The following FAM149A variants were observed in gnomAD, a reference collection of about 807,000 sequenced individuals.
FAM149A encodes the protein family with sequence similarity 149 member A.
FAM149A carries 71 observed loss-of-function variants against 78.2 expected under a neutral mutation model. That is an observed-to-expected ratio of 0.91 (90% confidence interval 0.75 to 1.11). FAM149A has a LOEUF of 1.11. FAM149A is among the 50% of genes least tolerant of loss of function. FAM149A has a pLI of 0.00. For synonymous variants in FAM149A, 446 were observed against 410.5 expected (o/e 1.09, Z -1.04); for missense variants, 1,036 against 971.0 (o/e 1.07, Z -0.89).
At chr4:186,110,275 T>G in intron 1 of FAM149A, 1 of 985,398 alleles carries the variant, frequency 1.0e-6, no homozygotes, top group Middle Eastern at 5.2e-4. Context: ...TTGTCTTAGG[T>G]CTTTTTGTTT....
rs778368758 is a variant in FAM149A at position 186,167,038 on chromosome 4, G to A, written c.2081G>A (p.Arg694Gln). 64 of 1,613,980 alleles carry A rather than the reference G, an allele frequency of 4.0e-5. No individual in the cohort carries two copies. The highest frequency in any genetic ancestry group is 4.8e-5 in the Non-Finnish European group (57 of 1,180,024). ...GACGGTACAGAACGATCGCGTCTTCGAGAAAGAACAGCCACCCTGGAACGG... is the reference window on the plus strand; with the variant it reads ...GACGGTACAGAACGATCGCGTCTTCAAGAAAGAACAGCCACCCTGGAACGG... Residue 694 changes from arginine to glutamine, a missense_variant, in exon 12 of 14, where the codon CGA becomes CAA. Physicochemically the swap from Arg to Gln is conservative, Grantham distance 43. This residue lies in a region of FAM149A where 716 missense variants were observed against 711.8 expected (regional missense o/e 1.01). Coordinates refer to ENST00000389354, the MANE Select transcript of FAM149A (RefSeq NM_001367768.3).
intron 8 of FAM149A, chr4:186,158,691 T>C: frequency 1.8e-6 from 2 of 1,098,696 alleles, no homozygotes; most frequent in South Asian, 5.1e-5. Flanking sequence ...CTGCTCAGCC[T>C]GAGGCTGCAG....
At chr4:186,157,245 A>C (rs1734106611) in intron 7 of FAM149A, among the ~76,000 whole-genome samples, 1 of 152,260 alleles carries the variant, frequency 6.6e-6, no homozygotes, top group African/African-American at 2.4e-5. Flanking sequence ...AGTTTTATTA[A>C]TCAATTTGTA....
At chr4:186,113,325 T>A (rs2099312120) in intron 1 of FAM149A, among the ~76,000 whole-genome samples, 1 of 124,538 alleles carries the variant, frequency 8.0e-6, no homozygotes, top group Non-Finnish European at 1.7e-5. Context: ...TCAATTTTGT[T>A]GATCCTTTCA....
intron 1 of FAM149A, chr4:186,109,975 CT>C: frequency 2.0e-6 from 2 of 985,424 alleles, no homozygotes; most frequent in Non-Finnish European, 2.4e-6. Flanking sequence ...TGGGATCAAA[CT>C]TTTAATCTGC....
intron 1 of FAM149A, among the ~76,000 whole-genome samples, chr4:186,136,947 TC>T (rs2099323077): frequency 7.9e-6 from 1 of 126,142 alleles, no homozygotes. Context: ...TCTCTCTCTC[TC>T]TCTCTCTCTC....
chr4:186,122,878 C>A, intron 1 of FAM149A: 1 of 322,230 alleles, frequency 3.1e-6, no homozygotes, highest in Non-Finnish European at 4.5e-6. Flanking sequence ...CATTTGTGAA[C>A]CCTAATGTTC....
intron 1 of FAM149A, chr4:186,109,567 A>G: frequency 1.0e-6 from 1 of 985,370 alleles, no homozygotes; most frequent in Non-Finnish European, 1.2e-6. Flanking sequence ...CCCTAGCTGT[A>G]GTTTTTCTTT....
intron 8 of FAM149A, among the ~76,000 whole-genome samples, chr4:186,161,400 G>A (rs114757001): frequency 0.023 from 3,490 of 152,292 alleles, 148 homozygotes; most frequent in African/African-American, 0.08. Flanking sequence ...AGAACAGAGC[G>A]TCTCAGAGGC....
intron 1 of FAM149A, among the ~76,000 whole-genome samples, chr4:186,133,456 A>G (rs2099321611): frequency 6.6e-6 from 1 of 152,172 alleles, no homozygotes; most frequent in African/African-American, 2.4e-5. Flanking sequence ...GAATCATACA[A>G]TATTTGGGCT....
Position 186,171,963 on chromosome 4 carries a change from G to T in FAM149A, c.2268G>T (p.Lys756Asn). Residue 756 changes from lysine (K) to asparagine (N), a missense_variant, in exon 14 of 14, where the codon AAG (lysine) becomes AAT (asparagine). This residue lies in a region of FAM149A where 716 missense variants were observed against 711.8 expected (regional missense o/e 1.01). Coordinates refer to ENST00000389354, the MANE Select transcript of FAM149A (RefSeq NM_001367768.3). ...TTCAGAGGACAACTTTGACTTTCAA[G>T]AGGAGATTCCAAGTGACATCTTGAA... 6.2e-7 allele frequency: 1 copy of T among 1,612,838 alleles called. No homozygotes were observed.
intron 7 of FAM149A, among the ~76,000 whole-genome samples, chr4:186,157,270 T>C (rs543673934): frequency 6.6e-6 from 1 of 152,328 alleles, no homozygotes; most frequent in South Asian, 2.1e-4. Flanking sequence ...AAGGCAATAA[T>C]CACGTTAACC....
At chr4:186,107,665 A>G (rs991715299) in intron 1 of FAM149A, 4 of 152,400 alleles carry the variant, frequency 2.6e-5, no homozygotes, top group African/African-American at 7.2e-5. Flanking sequence ...GCCTCAAGCA[A>G]TCTTCCCACC....
Position 186,105,190 on chromosome 4 carries a change from G to A in FAM149A, c.114G>A (p.Gly38=). 2 of 1,272,948 alleles carry A rather than the reference G, an allele frequency of 1.6e-6. No individual in the cohort carries two copies. Among genetic ancestry groups the A allele is most frequent in the African/African-American group, 1.6e-5 (1 of 63,122 alleles). 78.9% of individuals were successfully genotyped at this position (1,272,948 alleles called of 1,614,324 possible). Residue 38 remains glycine (G), a synonymous_variant, in exon 1 of 14, where the codon GGG becomes GGA. Transcript: ENST00000389354. ...CCTCGGGAGGTGCTGCCGCTGCAGG[G>A]TCGGGGGGCTCCAGGGCGGGCACCC...
chr4:186,158,524 C>T (rs1734251548), intron 8 of FAM149A: 6 of 978,952 alleles, frequency 6.1e-6, no homozygotes, highest in Admixed American at 1.5e-4. Context: ...GGAAGAGCAG[C>T]CTGCTGCTGA....
At position 186,173,269 on chromosome 4, in the gene FAM149A, C is replaced by T. The variant is rs530257642; in HGVS notation, c.*1282C>T. ...GTGTTGAGACTAACATTAATGTTGTCCTTTATCACAGGGTGACAAAAATGA... is the reference window on the plus strand; with the variant it reads ...GTGTTGAGACTAACATTAATGTTGTTCTTTATCACAGGGTGACAAAAATGA... On this transcript the variant is annotated 3_prime_UTR_variant, in exon 14 of 14. Coordinates refer to ENST00000389354, the MANE Select transcript of FAM149A (RefSeq NM_001367768.3). 8.9e-6 allele frequency among the ~76,000 whole-genome samples: 1 copy of T among 112,810 alleles called. No individual in the cohort carries two copies. The highest frequency in any genetic ancestry group is 2.8e-5 in the African/African-American group (1 of 36,046). 74.0% of individuals were successfully genotyped at this position (112,810 alleles called of 152,430 possible).
chr4:186,135,010 TC>T (rs1190681190), intron 1 of FAM149A, among the ~76,000 whole-genome samples: 1 of 152,126 alleles, frequency 6.6e-6, no homozygotes, highest in Non-Finnish European at 1.5e-5. Context: ...CGAAGTGCCA[TC>T]CTGGGCCGCA....
At chr4:186,168,092 T>G (rs1489340068) in intron 13 of FAM149A, among the ~76,000 whole-genome samples, 1 of 152,204 alleles carries the variant, frequency 6.6e-6, no homozygotes, top group East Asian at 1.9e-4. Context: ...AAAAATAAAT[T>G]TCGTAACATG....
intron 1 of FAM149A, among the ~76,000 whole-genome samples, chr4:186,143,085 A>G (rs191974172): frequency 1.5e-3 from 231 of 151,920 alleles, no homozygotes; most frequent in African/African-American, 5.5e-3. Flanking sequence ...GTAAAATAAT[A>G]TATATAAAAG....
Sources: gnomAD v4.1 joint callset for allele counts (sites outside exome capture counted in the v4.1 genomes callset) on GRCh38, gnomAD v4.1.1 for gene constraint, gnomAD v4.1.1 regional missense constraint, MANE v1.5 for transcripts, NCBI Gene and HGNC (gene_info 2026-07-23, HGNC 2026-07-21) for gene names.